The following PLAGL1 variants were observed in gnomAD, a reference collection of about 807,000 sequenced individuals.
The protein encoded by PLAGL1 is PLAG1 like zinc finger 1.
Under a neutral mutation model 4.6 loss-of-function variants are expected in PLAGL1, and 1 was observed. That is an observed-to-expected ratio of 0.22 (90% CI 0.08 to 1.03). The LOEUF (loss-of-function observed/expected upper bound fraction) is 1.03, where lower values mean the gene tolerates loss of function less well. PLAGL1 is among the 50% of genes least tolerant of loss of function. The pLI is 0.58. For synonymous variants in PLAGL1, 240 were observed against 237.8 expected (o/e 1.01, Z -0.08); for missense variants, 464 against 570.4 (o/e 0.81, Z 1.90).
At chr6:144,033,802 C>T (rs1797009449) in intron 1 of PLAGL1, among the ~76,000 whole-genome samples, 1 of 152,094 alleles carries the variant, frequency 6.6e-6, no homozygotes, top group Non-Finnish European at 1.5e-5. Context: ...GGTCTACCTT[C>T]ACATCAAAAA....
At chr6:144,057,131 C>T (rs1200952171) in intron 1 of PLAGL1, among the ~76,000 whole-genome samples, 1 of 152,092 alleles carries the variant, frequency 6.6e-6, no homozygotes, top group African/African-American at 2.4e-5. Context: ...TGGGTAAATA[C>T]CAAGTAGTGC....
chr6:143,960,332 G>C lies in PLAGL1; in HGVS notation c.-325+137C>G, dbSNP rs929010943. 6.6e-6 allele frequency: 1 copy of C among 152,348 alleles called. No individual in the cohort carries two copies. Among genetic ancestry groups the C allele is most frequent in the East Asian group, 1.9e-4 (1 of 5,186 alleles). 9.4% of individuals were successfully genotyped at this position (152,348 alleles called of 1,614,324 possible). A position where few individuals can be genotyped will look rare whatever the true frequency, so the allele number is the denominator to read the frequency against. The stretch of plus-strand genomic sequence containing the variant: ...CCTGTTCTCGGGTATTCTGCAGTTT[G>C]TGGAGGAAATGTGTTTATTTTCCAC... On this transcript the variant is annotated intron_variant, in intron 6 of 7. Transcript: ENST00000674357. This position sits in a 1 kb window ranked among gnomAD's most constrained non-coding sequence, Gnocchi z 5.7.
Position 143,949,420 on chromosome 6 carries a change from C to G in PLAGL1, c.-324-960G>C, listed in dbSNP as rs2128522965. Among the ~76,000 whole-genome samples the G allele has an allele frequency of 6.6e-6, 1 of 152,334 alleles. No individual in the cohort carries two copies. Among genetic ancestry groups the G allele is most frequent in the South Asian group, 2.1e-4 (1 of 4,832 alleles). On this transcript the variant is annotated intron_variant, in intron 6 of 7. Coordinates refer to ENST00000674357, the MANE Select transcript of PLAGL1 (RefSeq NM_001317162.2). The surrounding 1 kb of genome is among the most constrained non-coding windows in gnomAD (Gnocchi z 5.3). ...TTACTAGGGTGGCTTTCCACCCAAG[C>G]TGAGAAACTGTGTTCCAAAAATTTA...
Position 144,016,945 on chromosome 6 carries a change from G to A in PLAGL1, c.-151+47523C>T, listed in dbSNP as rs1396344573. Among the ~76,000 whole-genome samples, 2 of 152,054 alleles carry A rather than the reference G, an allele frequency of 1.3e-5. No homozygotes were observed. The highest frequency in any genetic ancestry group is 2.9e-5 in the Non-Finnish European group (2 of 67,998). On this transcript the variant is annotated intron_variant, in intron 1 of 3. Transcript: ENST00000437412. The surrounding 1 kb of genome is among the most constrained non-coding windows in gnomAD (Gnocchi z 4.2). The stretch of plus-strand genomic sequence containing the variant: ...TATCAGTCTGTTTTCTAACCTGTGA[G>A]GGTGTCAGTGGCAGAGGTGAAACCT...
chr6:144,021,411 T>C (rs1407796812), intron 1 of PLAGL1, among the ~76,000 whole-genome samples: 1 of 152,220 alleles, frequency 6.6e-6, no homozygotes, highest in Non-Finnish European at 1.5e-5. Context: ...GTACACTTTG[T>C]GAACCTTTCT....
chr6:143,998,597 CCTAT>C (rs1430196375), intron 1 of PLAGL1, among the ~76,000 whole-genome samples: 1 of 151,958 alleles, frequency 6.6e-6, no homozygotes, highest in African/African-American at 2.4e-5. Flanking sequence ...CCACTTGAAC[CCTAT>C]CTAAGAACCT....
rs1797260711 is a variant in PLAGL1 at position 144,036,550 on chromosome 6, G to A, written c.-151+27918C>T. ...GCCGCGTGACAGGACTCCAGTCCTG[G>A]GGCTGCTACCGGGTGCAAGTGACAT... is the stretch of plus-strand genomic sequence containing the variant. On this transcript the variant is annotated intron_variant, in intron 1 of 3. Coordinates refer to the PLAGL1 transcript ENST00000437412. This position sits in a 1 kb window ranked among gnomAD's most constrained non-coding sequence, Gnocchi z 5.1. 1 of 173,950 alleles carries A rather than the reference G, an allele frequency of 5.7e-6. No individual in the cohort carries two copies. The highest frequency in any genetic ancestry group is 1.2e-5 in the Non-Finnish European group (1 of 82,498). The allele number at this position is 173,950 out of a possible 1,614,324, so 10.8% of individuals were successfully genotyped here.
chr6:144,000,276 T>C lies in PLAGL1; in HGVS notation c.-584+7814A>G, dbSNP rs191849232. 2.6e-4 allele frequency among the ~76,000 whole-genome samples: 39 copies of C among 152,174 alleles called. No homozygotes were observed. Among genetic ancestry groups the C allele is most frequent in the African/African-American group, 9.1e-4 (38 of 41,532 alleles). On this transcript the variant is annotated intron_variant, in intron 1 of 7. Transcript: ENST00000674357. The surrounding 1 kb of genome is among the most constrained non-coding windows in gnomAD (Gnocchi z 4.1). ...TACTGGTTGTCCTAGCCAGTGAAATTAGACATAAACAAAAGAATAAGAGAT... is the reference window on the plus strand; with the variant it reads ...TACTGGTTGTCCTAGCCAGTGAAATCAGACATAAACAAAAGAATAAGAGAT...
At position 143,962,698 on chromosome 6, in the gene PLAGL1, C is replaced by T. The variant is rs558882374; in HGVS notation, c.-399+2089G>A. ...GCCGCCTGCTGGGCATTCACTGAAA[C>T]CCACATTGAACAAAGGGATTTCCTT... is the stretch of plus-strand genomic sequence containing the variant. On this transcript the variant is annotated intron_variant, in intron 5 of 7. Coordinates refer to ENST00000674357, the MANE Select transcript of PLAGL1 (RefSeq NM_001317162.2). The surrounding 1 kb of genome is among the most constrained non-coding windows in gnomAD (Gnocchi z 5.3). Among the ~76,000 whole-genome samples, 1 of 152,216 alleles carries T rather than the reference C, an allele frequency of 6.6e-6. No individual in the cohort carries two copies. The highest frequency in any genetic ancestry group is 1.5e-5 in the Non-Finnish European group (1 of 68,042).
In PLAGL1 at chr6:143,945,141, A is replaced by G. The variant is rs1252814982; in HGVS notation, c.153-2478T>C. 2.6e-5 allele frequency among the ~76,000 whole-genome samples: 4 copies of G among 152,090 alleles called. No homozygotes were observed. The highest frequency in any genetic ancestry group is 9.7e-5 in the African/African-American group (4 of 41,402). ...TAATTTATCCCTTACTTACTCAACA[A>G]TCCTGATCTAGAACATTCTCATCCT... On this transcript the variant is annotated intron_variant, in intron 7 of 7. Coordinates refer to ENST00000674357, the MANE Select transcript of PLAGL1 (RefSeq NM_001317162.2). The surrounding 1 kb of genome is among the most constrained non-coding windows in gnomAD (Gnocchi z 4.2).
Position 143,944,750 on chromosome 6 carries a change from G to C in PLAGL1, c.153-2087C>G, listed in dbSNP as rs565228815. Reference sequence around the variant, plus strand: ...ATATATCGCAGGAATACATATGAAGGGGGGAGCTGGCTTACACACTCAGTA... The same window carrying C: ...ATATATCGCAGGAATACATATGAAGCGGGGAGCTGGCTTACACACTCAGTA... On this transcript the variant is annotated intron_variant, in intron 7 of 7. Transcript: ENST00000674357. 3.2e-4 allele frequency among the ~76,000 whole-genome samples: 49 copies of C among 151,742 alleles called. 2 individuals carry two copies. The highest frequency in any genetic ancestry group is 2.4e-3 in the Admixed American group (37 of 15,206).
chr6:144,029,000 GAACA>G (rs1010972030), intron 1 of PLAGL1, among the ~76,000 whole-genome samples: 3 of 151,978 alleles, frequency 2.0e-5, no homozygotes, highest in African/African-American at 7.3e-5. Context: ...GTCTCAACTT[GAACA>G]AACATAATCC....
intron 2 of PLAGL1, among the ~76,000 whole-genome samples, chr6:143,976,285 C>CT (rs58569870): frequency 0.092 from 10,459 of 113,136 alleles, 608 homozygotes; most frequent in East Asian, 0.2. Context: ...GATTTCTTTT[C>CT]TTTTTTTTTT....
chr6:143,963,663 G>A lies in PLAGL1; in HGVS notation c.-399+1124C>T, dbSNP rs112571786. 9.4e-3 allele frequency among the ~76,000 whole-genome samples: 1,424 copies of A among 152,274 alleles called. 14 individuals are homozygous for A. The highest frequency in any genetic ancestry group is 0.032 in the African/African-American group (1,346 of 41,558). On this transcript the variant is annotated intron_variant, in intron 5 of 7. Transcript: ENST00000674357. This position sits in a 1 kb window ranked among gnomAD's most constrained non-coding sequence, Gnocchi z 6.1. ...GTGTCAAAAGTCAACCTCTTCCCAT[G>A]TCACTTCCCAGCCTCTCCAAACTTA...
At chr6:143,944,421 A>G (rs1438181449) in intron 7 of PLAGL1, among the ~76,000 whole-genome samples, 1 of 152,150 alleles carries the variant, frequency 6.6e-6, no homozygotes, top group Non-Finnish European at 1.5e-5. Context: ...AAAATAAAGT[A>G]CAACCTCATA....
At chr6:144,043,819 G>T (rs1041015143) in intron 1 of PLAGL1, among the ~76,000 whole-genome samples, 8 of 152,038 alleles carry the variant, frequency 5.3e-5, no homozygotes, top group Non-Finnish European at 1.0e-4. Context: ...GACTTTTTTT[G>T]GTTGGTAGGC....
Position 144,015,182 on chromosome 6 carries a change from A to T in PLAGL1, c.-150-46204T>A, listed in dbSNP as rs1041842186. 3.3e-5 allele frequency among the ~76,000 whole-genome samples: 5 copies of T among 152,230 alleles called. No homozygotes were observed. Among genetic ancestry groups the T allele is most frequent in the African/African-American group, 4.8e-5 (2 of 41,472 alleles). ...GGCTTTCAAAGACTTGGGATTTTTTAAAAATGTAAAATATCCTATTAATTT... is the reference window on the plus strand; with the variant it reads ...GGCTTTCAAAGACTTGGGATTTTTTTAAAATGTAAAATATCCTATTAATTT... On this transcript the variant is annotated intron_variant, in intron 1 of 3. Coordinates refer to the PLAGL1 transcript ENST00000437412. The surrounding 1 kb of genome is among the most constrained non-coding windows in gnomAD (Gnocchi z 4.3).
At chr6:143,943,824 A>T (rs937661464) in intron 7 of PLAGL1, among the ~76,000 whole-genome samples, 1 of 152,352 alleles carries the variant, frequency 6.6e-6, no homozygotes, top group African/African-American at 2.4e-5. Flanking sequence ...GTGAAGCAGA[A>T]ATTAGTTATG....
chr6:144,057,943 A>G (rs1799108972), intron 1 of PLAGL1, among the ~76,000 whole-genome samples: 1 of 152,214 alleles, frequency 6.6e-6, no homozygotes, highest in Non-Finnish European at 1.5e-5. Context: ...GCCAATGAAT[A>G]CTTGACCATC....
Sources: gnomAD v4.1 joint callset for allele counts (sites outside exome capture counted in the v4.1 genomes callset) on GRCh38, gnomAD v4.1.1 for gene constraint, Gnocchi (gnomAD v3.1) non-coding constraint, MANE v1.5 for transcripts, NCBI Gene and HGNC (gene_info 2026-07-23, HGNC 2026-07-21) for gene names.